PTPRK: variants seen among roughly 807,000 people sequenced by gnomAD.
PTPRK encodes the protein protein tyrosine phosphatase receptor type K, also known as receptor-type tyrosine-protein phosphatase kappa.
PTPRK carries 75 observed loss-of-function variants against 178.0 expected under a neutral mutation model. The ratio of observed to expected loss-of-function variants is 0.42; its 90% CI spans 0.35 to 0.51. PTPRK has a LOEUF of 0.51. PTPRK is among the 20% of genes least tolerant of loss of function. The pLI is 0.02. For missense variants in PTPRK, 1,441 were observed against 1,797.8 expected (o/e 0.80, Z 3.59); for synonymous variants, 637 against 620.6 (o/e 1.03, Z -0.39).
chr6:128,393,368 C>T (rs1314732464), intron 2 of PTPRK, among the ~76,000 whole-genome samples: 8 of 152,116 alleles, frequency 5.3e-5, no homozygotes, highest in Non-Finnish European at 7.4e-5. Context: ...GGATTACAGG[C>T]GTGAGCCACC....
chr6:128,259,837 GGAAACTAAAAAAAT>G (rs1817910197), intron 3 of PTPRK, among the ~76,000 whole-genome samples: 1 of 152,050 alleles, frequency 6.6e-6, no homozygotes, highest in Non-Finnish European at 1.5e-5. Context: ...AAAGTTAAAA[GGAAACTAAAAAAAT>G]GTGACTTCCT....
intron 7 of PTPRK, among the ~76,000 whole-genome samples, chr6:128,171,682 T>C (rs1338774164): frequency 1.3e-5 from 2 of 152,002 alleles, no homozygotes; most frequent in African/African-American, 4.8e-5. Flanking sequence ...CATTGATTTC[T>C]CTATTATTTA....
At chr6:128,101,634 A>T (rs1562585357) in intron 7 of PTPRK, among the ~76,000 whole-genome samples, 2 of 152,264 alleles carry the variant, frequency 1.3e-5, no homozygotes, top group East Asian at 3.9e-4. Context: ...ACCTGTTCAC[A>T]TCCAAATAAT....
At chr6:128,172,179 G>A (rs1409567510) in intron 7 of PTPRK, among the ~76,000 whole-genome samples, 2 of 152,028 alleles carry the variant, frequency 1.3e-5, no homozygotes, top group Admixed American at 6.6e-5. Flanking sequence ...CATACTTAAG[G>A]ACTGGAACAG....
At chr6:128,472,024 G>A (rs568108800) in intron 1 of PTPRK, among the ~76,000 whole-genome samples, 131 of 152,136 alleles carry the variant, frequency 8.6e-4, no homozygotes, top group African/African-American at 3.0e-3. Context: ...AGGGGGGAAA[G>A]AAGAGGGTGG....
chr6:128,509,771 A>G (rs1406118364), intron 1 of PTPRK, among the ~76,000 whole-genome samples: 3 of 152,120 alleles, frequency 2.0e-5, no homozygotes, highest in African/African-American at 7.2e-5. Flanking sequence ...ACTGGAACAT[A>G]AGTCCTCCTG....
At chr6:128,481,844 A>G (rs1239568674) in intron 1 of PTPRK, among the ~76,000 whole-genome samples, 1 of 152,088 alleles carries the variant, frequency 6.6e-6, no homozygotes, top group Non-Finnish European at 1.5e-5. Flanking sequence ...TAGGTCTTTT[A>G]TCTTTTCCAG....
At chr6:128,379,977 A>C (rs746610967) in intron 2 of PTPRK, among the ~76,000 whole-genome samples, 2 of 152,144 alleles carry the variant, frequency 1.3e-5, no homozygotes, top group Non-Finnish European at 2.9e-5. Context: ...GAAATGAAAA[A>C]CACAATGCTC....
chr6:128,489,098 T>C (rs1482905312), intron 1 of PTPRK, among the ~76,000 whole-genome samples: 1 of 152,192 alleles, frequency 6.6e-6, no homozygotes, highest in Non-Finnish European at 1.5e-5. Context: ...TAATAATTCA[T>C]GTGATTCTCT....
chr6:127,970,357 C>A, intron 29 of PTPRK, 77 bp from the exon 30 acceptor site: 2 of 1,160,482 alleles, frequency 1.7e-6, no homozygotes, highest in South Asian at 1.4e-5. Context: ...CCAAATGAAA[C>A]TTGACAACCA....
chr6:128,162,847 T>C (rs1798887592), intron 7 of PTPRK, among the ~76,000 whole-genome samples: 1 of 151,664 alleles, frequency 6.6e-6, no homozygotes, highest in Non-Finnish European at 1.5e-5. Context: ...TCTATGTGAT[T>C]AGCACAATTC....
intron 25 of PTPRK, among the ~76,000 whole-genome samples, chr6:127,979,078 T>C (rs1334546596): frequency 4.0e-5 from 6 of 151,878 alleles, no homozygotes; most frequent in African/African-American, 1.5e-4. Context: ...AAAGACAAGC[T>C]TGGACAAGAA....
Position 128,067,793 on chromosome 6 carries a change from C to T in PTPRK, c.1884-1G>A. On this transcript the variant is annotated splice_acceptor_variant, in intron 11 of 29. Coordinates refer to ENST00000368226, the MANE Select transcript of PTPRK (RefSeq NM_002844.4). LOFTEE classifies it high-confidence loss of function. ...TTCTTCCACAACAATCTGATAAGCA[C>T]TTTGGGGAAAAGAAAAAAAGAACAC... is the stretch of plus-strand genomic sequence containing the variant. 1 of 1,576,678 alleles carries T rather than the reference C, an allele frequency of 6.3e-7. No individual in the cohort carries two copies. Among genetic ancestry groups the T allele is most frequent in the Non-Finnish European group, 8.6e-7 (1 of 1,160,686 alleles).
intron 3 of PTPRK, among the ~76,000 whole-genome samples, chr6:128,257,161 C>A (rs1407075755): frequency 2.7e-5 from 4 of 150,162 alleles, no homozygotes; most frequent in South Asian, 2.1e-4. Context: ...ACATGGGAGG[C>A]GGAGATTGTG....
At chr6:128,214,088 T>A (rs1034433038) in intron 6 of PTPRK, among the ~76,000 whole-genome samples, 17 of 152,290 alleles carry the variant, frequency 1.1e-4, no homozygotes, top group African/African-American at 4.1e-4. Context: ...AATTTCTTCA[T>A]GTAAATATTG....
intron 13 of PTPRK, among the ~76,000 whole-genome samples, chr6:128,048,383 T>A (rs1384142860): frequency 6.6e-6 from 1 of 152,192 alleles, no homozygotes; most frequent in Admixed American, 6.5e-5. Flanking sequence ...TTGACCCACC[T>A]TCTCTGAGCA....
intron 7 of PTPRK, among the ~76,000 whole-genome samples, chr6:128,160,751 A>T (rs1443127395): frequency 6.6e-6 from 1 of 151,444 alleles, no homozygotes; most frequent in Non-Finnish European, 1.5e-5. Context: ...TGTTAGAAAT[A>T]AGTATTAATA....
At chr6:128,508,997 TA>T (rs1383988844) in intron 1 of PTPRK, among the ~76,000 whole-genome samples, 1 of 151,232 alleles carries the variant, frequency 6.6e-6, no homozygotes, top group Non-Finnish European at 1.5e-5. Flanking sequence ...ATTTCATAAA[TA>T]AACAGCTTTT....
At chr6:128,173,994 G>A (rs1800681254) in intron 7 of PTPRK, among the ~76,000 whole-genome samples, 1 of 151,896 alleles carries the variant, frequency 6.6e-6, no homozygotes. Context: ...AAGATGAACT[G>A]ATGGATGAAT....
Sources: allele counts gnomAD v4.1 joint callset (sites outside exome capture counted in the v4.1 genomes callset), GRCh38; gene constraint gnomAD v4.1.1; transcripts MANE v1.5; gene names NCBI Gene and HGNC (gene_info 2026-07-23, HGNC 2026-07-21).